The following CNOT2 variants were observed in gnomAD, a reference collection of about 807,000 sequenced individuals.
CNOT2 encodes the protein CCR4-NOT transcription complex subunit 2.
CNOT2 carries 7 observed loss-of-function variants against 72.1 expected under a neutral mutation model. That is an observed-to-expected ratio of 0.10 (90% confidence interval 0.06 to 0.18). The LOEUF (loss-of-function observed/expected upper bound fraction) is 0.18. Ranked by LOEUF, CNOT2 falls within the 10% of genes least tolerant of loss-of-function variation. The probability of loss-of-function intolerance (pLI) is 1.00; values close to 1 mark genes in which losing one functional copy is unlikely to be tolerated. For synonymous variants in CNOT2, 196 were observed against 225.6 expected (o/e 0.87, Z 1.17); for missense variants, 345 against 660.3 (o/e 0.52, Z 5.23).
intron 6 of CNOT2, 192 bp from the exon 7 acceptor site, chr12:70,332,575 C>T (rs916152203): frequency 3.0e-5 from 25 of 830,068 alleles, no homozygotes; most frequent in Non-Finnish European, 3.8e-5. Context: ...TTCTGGTTCT[C>T]ATTTGTTCAT....
chr12:70,268,765 G>A (rs1959166153), intron 1 of CNOT2, among the ~76,000 whole-genome samples: 1 of 152,036 alleles, frequency 6.6e-6, no homozygotes, highest in Admixed American at 6.6e-5. Flanking sequence ...CTAGCCAGAA[G>A]TAAAATTTTT....
chr12:70,348,274 A>G (rs73324146), intron 15 of CNOT2, among the ~76,000 whole-genome samples: 3,310 of 152,256 alleles, frequency 0.022, 127 homozygotes, highest in African/African-American at 0.075. Context: ...TTGGTTCTCA[A>G]ACTATAGCTT....
chr12:70,276,115 C>T (rs549529032), intron 1 of CNOT2, among the ~76,000 whole-genome samples: 65 of 151,946 alleles, frequency 4.3e-4, no homozygotes, highest in African/African-American at 1.5e-3. Flanking sequence ...ATAGATTTTC[C>T]CTTTATACAA....
At chr12:70,280,132 G>A (rs1869569948) in intron 2 of CNOT2, among the ~76,000 whole-genome samples, 1 of 152,076 alleles carries the variant, frequency 6.6e-6, no homozygotes, top group African/African-American at 2.4e-5. Context: ...GGTAGTCTAA[G>A]AATTTTTATA....
chr12:70,298,641 A>G (rs1873252627), intron 2 of CNOT2, among the ~76,000 whole-genome samples: 1 of 152,214 alleles, frequency 6.6e-6, no homozygotes, highest in Non-Finnish European at 1.5e-5. Flanking sequence ...CAGAGACTGT[A>G]TAAAACAAGA....
chr12:70,269,950 A>G (rs1250698337), intron 1 of CNOT2, among the ~76,000 whole-genome samples: 1 of 152,176 alleles, frequency 6.6e-6, no homozygotes. Flanking sequence ...TTCCTCAGTG[A>G]AAAAGTATTG....
intron 2 of CNOT2, among the ~76,000 whole-genome samples, chr12:70,293,758 AG>A (rs1227691644): frequency 6.6e-6 from 1 of 152,060 alleles, no homozygotes; most frequent in East Asian, 1.9e-4. Context: ...TGAGAGCCTT[AG>A]ATTTAATGTT....
At chr12:70,350,168 T>C (rs562432903) in intron 15 of CNOT2, among the ~76,000 whole-genome samples, 51 of 152,336 alleles carry the variant, frequency 3.3e-4, no homozygotes, top group Non-Finnish European at 5.3e-4. Flanking sequence ...CTTCATGCAT[T>C]AAATTTTTAA....
chr12:70,343,239 G>A (rs1466014819), intron 13 of CNOT2, among the ~76,000 whole-genome samples: 2 of 152,288 alleles, frequency 1.3e-5, no homozygotes, highest in African/African-American at 4.8e-5. Flanking sequence ...CATTGGGGCT[G>A]CTGCCTGAAT....
chr12:70,279,258 A>C (rs1306060228), intron 2 of CNOT2, among the ~76,000 whole-genome samples: 1 of 152,236 alleles, frequency 6.6e-6, no homozygotes, highest in African/African-American at 2.4e-5. Context: ...AAAAGTTAGC[A>C]GTGGAGCAAA....
chr12:70,311,497 A>G (rs545554636), intron 3 of CNOT2, among the ~76,000 whole-genome samples: 48 of 152,084 alleles, frequency 3.2e-4, no homozygotes, highest in Admixed American at 9.8e-4. Context: ...TAGGGATACT[A>G]TAATAGGAAA....
At chr12:70,327,504 G>GTCAGTTAACTTACATGAGGC (rs1879271292) in intron 4 of CNOT2, 4 of 151,736 alleles carry the variant, frequency 2.6e-5, no homozygotes, top group Admixed American at 2.0e-4. Context: ...CCGTGGAGAA[G>GTCAGTTAACTTACATGAGGC]TCAGTTAACT....
At chr12:70,256,958 A>T (rs1958483111) in intron 1 of CNOT2, among the ~76,000 whole-genome samples, 1 of 152,228 alleles carries the variant, frequency 6.6e-6, no homozygotes, top group Admixed American at 6.5e-5. Flanking sequence ...TTCCAGTGTC[A>T]TATATTTATC....
chr12:70,296,140 C>G (rs1355839847), intron 2 of CNOT2, among the ~76,000 whole-genome samples: 1 of 152,072 alleles, frequency 6.6e-6, no homozygotes, highest in African/African-American at 2.4e-5. Context: ...TCCCCTCCCC[C>G]ACCAACACAC....
intron 1 of CNOT2, among the ~76,000 whole-genome samples, chr12:70,263,707 A>G (rs1958887454): frequency 6.6e-6 from 1 of 152,164 alleles, no homozygotes; most frequent in Admixed American, 6.5e-5. Context: ...GTTTTCGTTG[A>G]CTGCTTTTTC....
At chr12:70,283,058 ACTTTTT>A (rs1416227326) in intron 2 of CNOT2, among the ~76,000 whole-genome samples, 3 of 152,176 alleles carry the variant, frequency 2.0e-5, no homozygotes, top group Middle Eastern at 3.2e-3. Context: ...TTCAGATAAT[ACTTTTT>A]CTTTTATACT....
At chr12:70,347,640 A>G (rs557543781) in intron 15 of CNOT2, 1 of 152,082 alleles carries the variant, frequency 6.6e-6, no homozygotes, top group Non-Finnish European at 1.5e-5. Flanking sequence ...CTCAAAAAAA[A>G]AAAAACAAAA....
chr12:70,289,874 G>T (rs1480350057), intron 2 of CNOT2, among the ~76,000 whole-genome samples: 1 of 151,032 alleles, frequency 6.6e-6, no homozygotes, highest in East Asian at 1.9e-4. Context: ...GGGCTTCTTT[G>T]CATGGCTGGT....
intron 3 of CNOT2, among the ~76,000 whole-genome samples, chr12:70,312,052 A>C (rs1876555876): frequency 6.6e-6 from 1 of 151,884 alleles, no homozygotes; most frequent in South Asian, 2.1e-4. Flanking sequence ...TTCTTGTGTC[A>C]TTTTGAAAAC....
Sources: gnomAD v4.1 joint callset for allele counts (sites outside exome capture counted in the v4.1 genomes callset) on GRCh38, gnomAD v4.1.1 for gene constraint, MANE v1.5 for transcripts, NCBI Gene and HGNC (gene_info 2026-07-23, HGNC 2026-07-21) for gene names.